ANKRD26: variants seen among roughly 807,000 people sequenced by gnomAD.
The protein encoded by ANKRD26 is ankyrin repeat domain 26.
A neutral mutation model predicts 208.7 loss-of-function variants in ANKRD26; 141 were observed. That is an observed-to-expected ratio of 0.68 (90% CI 0.59 to 0.78). The LOEUF (loss-of-function observed/expected upper bound fraction) is 0.78. Ranked by LOEUF, ANKRD26 falls within the 30% of genes least tolerant of loss-of-function variation. The pLI is 0.00. For synonymous variants in ANKRD26, 636 were observed against 660.4 expected (o/e 0.96, Z 0.57); for missense variants, 1,889 against 1,938.7 (o/e 0.97, Z 0.48).
chr10:27,014,908 A>G lies in ANKRD26; in HGVS notation c.4507-197T>C, dbSNP rs3781096. On this transcript the variant is annotated intron_variant, in intron 30 of 33. Coordinates refer to ENST00000376087, the MANE Select transcript of ANKRD26 (RefSeq NM_014915.3). ...TTGAAAAGGGAATCCAAATACTTCCAAAGAAATGAAAGTGAGTTTCTACTA... is the reference window on the plus strand; with the variant it reads ...TTGAAAAGGGAATCCAAATACTTCCGAAGAAATGAAAGTGAGTTTCTACTA... Among the ~76,000 whole-genome samples the G allele has an allele frequency of 0.019, 2,841 of 152,308 alleles. 154 individuals carry two copies. The highest frequency in any genetic ancestry group is 0.16 in the East Asian group (812 of 5,176).
At chr10:27,062,235 T>A (rs1180227176) in intron 12 of ANKRD26, 3 of 972,876 alleles carry the variant, frequency 3.1e-6, no homozygotes, top group Non-Finnish European at 3.7e-6. Flanking sequence ...CTACAATTTC[T>A]ATTTCTCCAT....
downstream of ANKRD26, among the ~76,000 whole-genome samples, chr10:26,969,209 C>T (rs192183570): frequency 2.8e-3 from 427 of 152,264 alleles, 6 homozygotes; most frequent in Non-Finnish European, 2.4e-3. Context: ...ATGTGTGGCT[C>T]CTATGGACCT....
chr10:27,096,447 A>G (rs1296455487), intron 1 of ANKRD26, among the ~76,000 whole-genome samples: 1 of 152,216 alleles, frequency 6.6e-6, no homozygotes. Context: ...GAATTTGCAT[A>G]GAAGTAAAAT....
chr10:27,087,864 TG>T (rs1239500377), intron 4 of ANKRD26, among the ~76,000 whole-genome samples: 1 of 152,146 alleles, frequency 6.6e-6, no homozygotes, highest in Non-Finnish European at 1.5e-5. Flanking sequence ...CACTGCCGCC[TG>T]GAACTCCTGG....
chr10:27,049,474 C>T (rs978954142), intron 16 of ANKRD26, among the ~76,000 whole-genome samples: 3 of 151,988 alleles, frequency 2.0e-5, no homozygotes, highest in African/African-American at 7.2e-5. Context: ...TTCTTTTTTT[C>T]GTTTGGATCC....
intron 27 of ANKRD26, among the ~76,000 whole-genome samples, chr10:27,028,197 T>C (rs2053732164): frequency 6.6e-6 from 1 of 152,196 alleles, no homozygotes; most frequent in African/African-American, 2.4e-5. Context: ...CTCTTGAGTG[T>C]GGACAGGATG....
chr10:27,079,339 G>A (rs1057204143), intron 6 of ANKRD26, among the ~76,000 whole-genome samples, 178 bp from the exon 7 acceptor site: 2 of 152,040 alleles, frequency 1.3e-5, no homozygotes, highest in East Asian at 3.9e-4. Flanking sequence ...TCTTGTTTTT[G>A]AAAAATATTT....
At chr10:27,002,147 G>A (rs1434754747), downstream of ANKRD26, among the ~76,000 whole-genome samples, 1 of 152,186 alleles carries the variant, frequency 6.6e-6, no homozygotes, top group Admixed American at 6.5e-5. Flanking sequence ...GGAAAGGATG[G>A]GGTGAAGACA....
intron 5 of ANKRD26, among the ~76,000 whole-genome samples, chr10:26,978,231 A>ACT (rs2052255296): frequency 6.6e-6 from 1 of 151,880 alleles, no homozygotes; most frequent in Admixed American, 6.6e-5. Flanking sequence ...TGGGTGGATC[A>ACT]CCTGACGTCA....
chr10:27,062,202 A>G lies in ANKRD26; in HGVS notation c.1364-960T>C, dbSNP rs1205073002. ...CATTCTCAGCACTTCTTTCCTCTTC[A>G]TTTAACAATAGTTATCTTATATCTA... On this transcript the variant is annotated intron_variant, in intron 12 of 33. Transcript: ENST00000376087. 3 of 981,184 alleles carry G rather than the reference A, an allele frequency of 3.1e-6. No homozygotes were observed. The African/African-American group carries it at 5.3e-5, about 17-fold the overall frequency. 60.8% of individuals were successfully genotyped at this position (981,184 alleles called of 1,614,324 possible).
At chr10:27,013,859 G>A (rs2053201571) in intron 31 of ANKRD26, among the ~76,000 whole-genome samples, 1 of 152,180 alleles carries the variant, frequency 6.6e-6, no homozygotes, top group East Asian at 1.9e-4. Flanking sequence ...CATCAGAGGT[G>A]GGGCCTGACC....
chr10:27,080,638 C>T (rs1382342778), intron 6 of ANKRD26: 1 of 985,320 alleles, frequency 1.0e-6, no homozygotes, highest in Non-Finnish European at 1.2e-6. Flanking sequence ...TTCCTATAAG[C>T]TCCCACTTAC....
chr10:26,995,966 C>A (rs1449171177), intron 4 of ANKRD26, among the ~76,000 whole-genome samples: 1 of 152,274 alleles, frequency 6.6e-6, no homozygotes, highest in Admixed American at 6.5e-5. Flanking sequence ...CCACGTATAT[C>A]ATGTATATTG....
At chr10:27,030,780 T>C (rs1035458109) in intron 25 of ANKRD26, among the ~76,000 whole-genome samples, 5 of 152,042 alleles carry the variant, frequency 3.3e-5, no homozygotes, top group African/African-American at 1.2e-4. Context: ...ATAATAAAAA[T>C]AGAATAAAAG....
intron 4 of ANKRD26, among the ~76,000 whole-genome samples, chr10:27,089,394 A>G (rs1475382589): frequency 6.6e-6 from 1 of 152,190 alleles, no homozygotes; most frequent in Non-Finnish European, 1.5e-5. Context: ...AAAATTAAAC[A>G]TGTGATAGTA....
At chr10:27,097,204 G>A (rs1387826763) in intron 1 of ANKRD26, among the ~76,000 whole-genome samples, 10 of 151,760 alleles carry the variant, frequency 6.6e-5, no homozygotes, top group South Asian at 2.1e-4. Context: ...GGCCAGGCGC[G>A]GTGGCTCAAG....
chr10:27,064,453 T>C (rs1319497531), intron 11 of ANKRD26, among the ~76,000 whole-genome samples: 32 of 152,192 alleles, frequency 2.1e-4, no homozygotes, highest in Admixed American at 2.1e-3. Context: ...TCTGAACTTA[T>C]TCCGGTTCGG....
At chr10:27,003,872 G>A (rs778851536), downstream of ANKRD26, among the ~76,000 whole-genome samples, 2 of 152,110 alleles carry the variant, frequency 1.3e-5, no homozygotes, top group African/African-American at 2.4e-5. Flanking sequence ...CTATAGAAAC[G>A]GAACAATTGG....
At chr10:27,017,047 A>G (rs546384934) in intron 30 of ANKRD26, among the ~76,000 whole-genome samples, 3 of 152,212 alleles carry the variant, frequency 2.0e-5, no homozygotes, top group Non-Finnish European at 4.4e-5. Flanking sequence ...TTAAAAATTT[A>G]GCCAGGCATC....
Sources: allele counts gnomAD v4.1 joint callset (sites outside exome capture counted in the v4.1 genomes callset), GRCh38; gene constraint gnomAD v4.1.1; transcripts MANE v1.5; gene names NCBI Gene and HGNC (gene_info 2026-07-23, HGNC 2026-07-21).